The following PRDM16 variants were observed in gnomAD, a reference collection of about 807,000 sequenced individuals.
PRDM16 encodes the protein PR/SET domain 16, also known as histone-lysine N-methyltransferase PRDM16.
In PRDM16, 23 loss-of-function variants were observed where a neutral mutation model predicts 110.6. That is an observed-to-expected ratio of 0.21 (90% CI 0.15 to 0.29). PRDM16 has a LOEUF of 0.29. PRDM16 is among the 10% of genes least tolerant of loss of function. The pLI is 1.00. For missense variants in PRDM16, 1,615 were observed against 1,794.3 expected, an observed-to-expected ratio of 0.90 and a Z score of 1.81; for synonymous variants, 799 against 781.8, an observed-to-expected ratio of 1.02 and a Z score of -0.37.
chr1:3,411,957 G>A lies in PRDM16; in HGVS notation c.1760G>A (p.Cys587Tyr). 6.2e-7 allele frequency: 1 copy of A among 1,613,728 alleles called. No individual in the cohort carries two copies. Among genetic ancestry groups the A allele is most frequent in the Non-Finnish European group, 8.5e-7 (1 of 1,179,986 alleles). ...TTCGAGAGCCGCCTGGAGGACTCCT[G>A]TGTGGAGAAGCTGAAGACCAGGAGC... ...EKFESRLEDS[C>Y]VEKLKTRSSD... The change falls in exon 9 of 17, where the codon TGT (cysteine) becomes TAT (tyrosine). Residue 587 changes from cysteine (C) to tyrosine (Y), a missense_variant. By Grantham distance (194) the Cys-to-Tyr change is radical. Transcript: ENST00000270722.
intron 3 of PRDM16, among the ~76,000 whole-genome samples, chr1:3,373,592 C>A (rs937551040): frequency 6.6e-6 from 1 of 152,246 alleles, no homozygotes; most frequent in African/African-American, 2.4e-5. Context: ...CCTGGTCAAC[C>A]TGGCGTGACA....
At chr1:3,181,072 CCGGTCTTACACA>C (rs1644155450) in intron 1 of PRDM16, among the ~76,000 whole-genome samples, 3 of 45,620 alleles carry the variant, frequency 6.6e-5, no homozygotes, top group African/African-American at 1.1e-4. Context: ...TCTTACACAC[CCGGTCTTACACA>C]CGGCCTTACA....
Position 3,148,888 on chromosome 1 carries a change from A to G in PRDM16, c.38-37237A>G, listed in dbSNP as rs553095734. On this transcript the variant is annotated intron_variant, in intron 1 of 16. Coordinates refer to ENST00000270722, the MANE Select transcript of PRDM16 (RefSeq NM_022114.4). The surrounding 1 kb of genome is among the most constrained non-coding windows in gnomAD (Gnocchi z 5.0). The stretch of plus-strand genomic sequence containing the variant: ...GTGTTGTGGGGGTTCATCGTTCCAA[A>G]AAAGGAGGATCCCAGTTGCGGAGGA... 3.9e-5 allele frequency among the ~76,000 whole-genome samples: 6 copies of G among 152,350 alleles called. No homozygotes were observed. Among genetic ancestry groups the G allele is most frequent in the Admixed American group, 3.9e-4 (6 of 15,310 alleles).
At chr1:3,099,086 A>G (rs1463152740) in intron 1 of PRDM16, among the ~76,000 whole-genome samples, 1 of 152,188 alleles carries the variant, frequency 6.6e-6, no homozygotes, top group Non-Finnish European at 1.5e-5. Flanking sequence ...GAGCGCTGAG[A>G]AGCAAGCTCC....
intron 3 of PRDM16, among the ~76,000 whole-genome samples, chr1:3,334,073 A>C (rs1158283426): frequency 6.6e-6 from 1 of 152,248 alleles, no homozygotes; most frequent in Non-Finnish European, 1.5e-5. Context: ...GACCTGGCAC[A>C]GGATTTATTT....
At chr1:3,166,168 AT>A (rs1385840880) in intron 1 of PRDM16, among the ~76,000 whole-genome samples, 1 of 152,220 alleles carries the variant, frequency 6.6e-6, no homozygotes, top group Non-Finnish European at 1.5e-5. Context: ...GAAATCATGG[AT>A]TTCCAAGCCT....
At chr1:3,181,307 CGGTCTTACACACGCAATCTTACACAA>C (rs1644171535) in intron 1 of PRDM16, among the ~76,000 whole-genome samples, 1 of 128,832 alleles carries the variant, frequency 7.8e-6, no homozygotes, top group East Asian at 2.7e-4. Context: ...GTCTTACACA[CGGTCTTACACACGCAATCTTACACAA>C]GCAGTCTTAC....
chr1:3,241,077 G>C (rs1311221524), intron 2 of PRDM16, among the ~76,000 whole-genome samples: 3 of 152,238 alleles, frequency 2.0e-5, no homozygotes, highest in Non-Finnish European at 2.9e-5. Flanking sequence ...GAGGCTGGGG[G>C]AGCCGGGGAG....
chr1:3,127,489 T>C (rs1376965532), intron 1 of PRDM16, among the ~76,000 whole-genome samples: 1 of 152,210 alleles, frequency 6.6e-6, no homozygotes, highest in African/African-American at 2.4e-5. Context: ...GCAAACCAGT[T>C]ACCAGCGAGC....
intron 3 of PRDM16, among the ~76,000 whole-genome samples, chr1:3,320,712 GA>G (rs1641720718): frequency 6.6e-6 from 1 of 152,208 alleles, no homozygotes; most frequent in African/African-American, 2.4e-5. Flanking sequence ...GTCCTCCTGA[GA>G]TAAGGCCAAG....
chr1:3,261,405 A>G (rs1053724710), intron 3 of PRDM16, among the ~76,000 whole-genome samples: 1 of 152,132 alleles, frequency 6.6e-6, no homozygotes, highest in African/African-American at 2.4e-5. Context: ...CTCACAATGC[A>G]TGGAAACATC....
chr1:3,396,510 A>T lies in PRDM16; in HGVS notation c.593A>T (p.Lys198Met). 1 of 1,598,816 alleles carries T rather than the reference A, an allele frequency of 6.3e-7. No individual in the cohort carries two copies. Among genetic ancestry groups the T allele is most frequent in the Non-Finnish European group, 8.5e-7 (1 of 1,169,800 alleles). The change falls in exon 5 of 17, where the codon AAG (lysine) becomes ATG (methionine). Residue 198 changes from lysine (K) to methionine (M), a missense_variant. This residue lies in a region of PRDM16 where 416 missense variants were observed against 467.1 expected (regional missense o/e 0.89). Transcript: ENST00000270722. ...ISEQIYYKVI[K>M]DIEPGEELLV... ...TCCTAGATTTACTATAAAGTCATTA[A>T]GGACATTGAGCCAGGTGAGGAGCTG...
chr1:3,237,729 C>T lies in PRDM16; in HGVS notation c.388-6358C>T, dbSNP rs114269614. ...GCGGTGTGTCCAGGCCAAGGGGCAG[C>T]ACTCACAGGCGGGGCTGCCAGCGAA... On this transcript the variant is annotated intron_variant, in intron 2 of 16. Coordinates refer to ENST00000270722, the MANE Select transcript of PRDM16 (RefSeq NM_022114.4). Among the ~76,000 whole-genome samples the T allele has an allele frequency of 3.5e-3, 530 of 152,350 alleles. 3 individuals are homozygous for T. Among genetic ancestry groups the T allele is most frequent in the African/African-American group, 0.012 (499 of 41,592 alleles).
intron 1 of PRDM16, among the ~76,000 whole-genome samples, chr1:3,180,995 CGAT>C (rs1187125770): frequency 3.5e-5 from 5 of 144,224 alleles, no homozygotes; most frequent in Admixed American, 6.9e-5. Context: ...GTCTTACACA[CGAT>C]CTTACACGCG....
At chr1:3,320,520 AG>A in intron 3 of PRDM16, among the ~76,000 whole-genome samples, 1 of 152,132 alleles carries the variant, frequency 6.6e-6, no homozygotes, top group East Asian at 1.9e-4. Context: ...ATCATTTCCC[AG>A]GTGACCCAGG....
intron 3 of PRDM16, among the ~76,000 whole-genome samples, chr1:3,285,042 G>T (rs796173290): frequency 1.2e-4 from 18 of 152,322 alleles, no homozygotes; most frequent in African/African-American, 4.1e-4. Context: ...CGCTTCACCT[G>T]GTGCCCTGGA....
At chr1:3,176,066 T>C (rs1365587025) in intron 1 of PRDM16, among the ~76,000 whole-genome samples, 1 of 151,864 alleles carries the variant, frequency 6.6e-6, no homozygotes, top group Admixed American at 6.6e-5. Context: ...CATCCAACCA[T>C]CCATCCATCC....
intron 1 of PRDM16, among the ~76,000 whole-genome samples, chr1:3,134,300 G>A (rs562036491): frequency 1.6e-4 from 24 of 152,370 alleles, no homozygotes; most frequent in African/African-American, 2.9e-4. Context: ...ATAGTGCCCC[G>A]CTTGATTCTT....
intron 1 of PRDM16, among the ~76,000 whole-genome samples, chr1:3,158,477 T>C (rs1643874350): frequency 6.6e-6 from 1 of 152,222 alleles, no homozygotes; most frequent in Non-Finnish European, 1.5e-5. Flanking sequence ...TTTTCTCGCC[T>C]ATACCTAAGT....
Sources: gnomAD v4.1 joint callset for allele counts (sites outside exome capture counted in the v4.1 genomes callset) on GRCh38, gnomAD v4.1.1 for gene constraint, gnomAD v4.1.1 regional missense constraint, Gnocchi (gnomAD v3.1) non-coding constraint, MANE v1.5 for transcripts, NCBI Gene and HGNC (gene_info 2026-07-23, HGNC 2026-07-21) for gene names.